OR9Q1: variants seen among roughly 807,000 people sequenced by gnomAD.
The protein encoded by OR9Q1 is olfactory receptor family 9 subfamily Q member 1.
For missense variants in OR9Q1, 374 were observed against 378.8 expected (o/e 0.99, Z 0.11); for synonymous variants, 153 against 148.6 (o/e 1.03, Z -0.22).
chr11:58,133,918 T>C (rs962530007), intron 2 of OR9Q1, among the ~76,000 whole-genome samples: 2 of 152,280 alleles, frequency 1.3e-5, no homozygotes, highest in Admixed American at 6.5e-5. Context: ...AAGGGGTCAC[T>C]GCTAGCTCCG....
At chr11:58,116,632 A>G (rs371695025) in intron 2 of OR9Q1, 1 of 152,160 alleles carries the variant, frequency 6.6e-6, no homozygotes, top group Non-Finnish European at 1.5e-5. Flanking sequence ...TCATACATTT[A>G]GTAGCTATTT....
At chr11:58,133,818 G>A (rs1039670930) in intron 2 of OR9Q1, among the ~76,000 whole-genome samples, 1 of 152,190 alleles carries the variant, frequency 6.6e-6, no homozygotes, top group Admixed American at 6.5e-5. Flanking sequence ...AGAAGCAACA[G>A]GTAGGGTCTA....
chr11:58,140,429 G>A (rs1244660151), intron 2 of OR9Q1, among the ~76,000 whole-genome samples: 2 of 152,036 alleles, frequency 1.3e-5, no homozygotes, highest in African/African-American at 4.8e-5. Flanking sequence ...GGTCTAACAT[G>A]TAAGTCTTTA....
At chr11:58,088,639 CAT>C (rs1287525219) in intron 2 of OR9Q1, among the ~76,000 whole-genome samples, 1 of 151,734 alleles carries the variant, frequency 6.6e-6, no homozygotes. Flanking sequence ...AGTGTCTGTT[CAT>C]ATCCTTCACC....
intron 2 of OR9Q1, among the ~76,000 whole-genome samples, chr11:58,099,820 G>A (rs1853766785): frequency 6.6e-6 from 1 of 151,882 alleles, no homozygotes; most frequent in Admixed American, 6.6e-5. Context: ...AATCAATCAT[G>A]TTTTTTCCTT....
At chr11:58,121,938 T>C (rs962953434) in intron 2 of OR9Q1, among the ~76,000 whole-genome samples, 2 of 152,158 alleles carry the variant, frequency 1.3e-5, no homozygotes, top group African/African-American at 4.8e-5. Flanking sequence ...CTGACAGAGG[T>C]TAATGACTTG....
intron 2 of OR9Q1, among the ~76,000 whole-genome samples, chr11:58,130,086 G>T (rs1854126620): frequency 6.6e-6 from 1 of 152,072 alleles, no homozygotes; most frequent in Non-Finnish European, 1.5e-5. Flanking sequence ...CCTCGAGTCT[G>T]CCTTGTTCAC....
intron 2 of OR9Q1, among the ~76,000 whole-genome samples, chr11:58,104,780 G>T (rs543452955): frequency 1.3e-5 from 2 of 152,272 alleles, no homozygotes; most frequent in South Asian, 4.2e-4. Context: ...CTGCTCTGGT[G>T]ATTGAGGAGA....
intron 2 of OR9Q1, among the ~76,000 whole-genome samples, chr11:58,134,118 A>C (rs373898673): frequency 1.3e-4 from 20 of 152,338 alleles, no homozygotes; most frequent in African/African-American, 4.8e-4. Flanking sequence ...GGCCCCAGCC[A>C]GAATTAAGGA....
chr11:58,125,162 A>G (rs981772416), intron 2 of OR9Q1: 1 of 151,446 alleles, frequency 6.6e-6, no homozygotes, highest in Non-Finnish European at 1.5e-5. Context: ...ACATGAAACT[A>G]TTTATATTTT....
chr11:58,102,661 A>G (rs1404009581), intron 2 of OR9Q1, among the ~76,000 whole-genome samples: 1 of 151,708 alleles, frequency 6.6e-6, no homozygotes, highest in Non-Finnish European at 1.5e-5. Flanking sequence ...GGATTCCCTT[A>G]TATGTGACTT....
chr11:58,114,518 G>A (rs1853932346), intron 2 of OR9Q1, among the ~76,000 whole-genome samples: 1 of 152,038 alleles, frequency 6.6e-6, no homozygotes. Flanking sequence ...CTGACTACAG[G>A]GATATTAAAT....
chr11:58,110,140 G>A (rs143313263), intron 2 of OR9Q1, among the ~76,000 whole-genome samples: 10 of 152,256 alleles, frequency 6.6e-5, no homozygotes, highest in Admixed American at 1.3e-4. Flanking sequence ...CTCTTTATGT[G>A]ATGGAGGCTT....
In OR9Q1 at chr11:58,072,542, A is replaced by C. The variant is rs139693686; in HGVS notation, c.-15+16595A>C. On this transcript the variant is annotated intron_variant, in intron 2 of 2. Transcript: ENST00000335397. ...TTCTTCACATTTTCTGTTGTAATCA[A>C]GCACCTTGATGTGTGGCTGAAAAGC... 1,373 of 155,696 alleles carry C rather than the reference A, an allele frequency of 8.8e-3. 18 individuals carry two copies. The highest frequency in any genetic ancestry group is 0.019 in the Admixed American group (300 of 15,434). 9.6% of individuals were successfully genotyped at this position (155,696 alleles called of 1,614,324 possible).
intron 2 of OR9Q1, among the ~76,000 whole-genome samples, chr11:58,082,944 C>G (rs757266955): frequency 3.9e-4 from 59 of 150,800 alleles, no homozygotes; most frequent in Middle Eastern, 3.5e-3. Context: ...ATCCCTCCCC[C>G]CTTCCCCCAC....
At chr11:58,108,480 G>A (rs994192133) in intron 2 of OR9Q1, among the ~76,000 whole-genome samples, 1 of 152,140 alleles carries the variant, frequency 6.6e-6, no homozygotes, top group African/African-American at 2.4e-5. Flanking sequence ...AATCCAGAAA[G>A]TTTGGGAGGG....
intron 2 of OR9Q1, among the ~76,000 whole-genome samples, chr11:58,093,783 A>G (rs1269606896): frequency 1.3e-5 from 2 of 149,484 alleles, no homozygotes; most frequent in African/African-American, 4.9e-5. Context: ...AAAAAAAAAA[A>G]GACAAAAAAT....
intron 2 of OR9Q1, among the ~76,000 whole-genome samples, chr11:58,070,908 C>G (rs1032348091): frequency 1.3e-5 from 2 of 152,170 alleles, no homozygotes; most frequent in East Asian, 3.9e-4. Flanking sequence ...CAGTCCAGCC[C>G]ATTCCCTTCT....
chr11:58,150,493 T>C (rs1173512431), intron 2 of OR9Q1, among the ~76,000 whole-genome samples: 3 of 152,182 alleles, frequency 2.0e-5, no homozygotes, highest in Non-Finnish European at 4.4e-5. Flanking sequence ...TCTTTGTATG[T>C]AGTCATGCAC....
Sources: allele counts gnomAD v4.1 joint callset (sites outside exome capture counted in the v4.1 genomes callset), GRCh38; gene constraint gnomAD v4.1.1; transcripts MANE v1.5; gene names NCBI Gene and HGNC (gene_info 2026-07-23, HGNC 2026-07-21).